Variants in PTPRN2 observed in about 807,000 individuals in gnomAD.
The protein encoded by PTPRN2 is receptor-type tyrosine-protein phosphatase N2.
A neutral mutation model predicts 118.8 loss-of-function variants in PTPRN2; 74 were observed. That is an observed-to-expected ratio of 0.62 (90% CI 0.52 to 0.76). The LOEUF (loss-of-function observed/expected upper bound fraction) is 0.76, where lower values mean the gene tolerates loss of function less well. Ranked by LOEUF, PTPRN2 falls within the 30% of genes least tolerant of loss-of-function variation. PTPRN2 has a pLI of 0.00. For synonymous variants in PTPRN2, 641 were observed against 608.0 expected (o/e 1.05, Z -0.80); for missense variants, 1,481 against 1,394.4 (o/e 1.06, Z -0.99).
intron 3 of PTPRN2, among the ~76,000 whole-genome samples, chr7:158,307,088 A>T (rs1801362376): frequency 6.6e-6 from 1 of 152,032 alleles, no homozygotes; most frequent in Non-Finnish European, 1.5e-5. Flanking sequence ...ACTAGTCTTG[A>T]ACTCCTGACC....
In PTPRN2 at chr7:158,181,336, C is replaced by A. The variant is rs556238500; in HGVS notation, c.549+10991G>T. On this transcript the variant is annotated intron_variant, in intron 5 of 22. Coordinates refer to ENST00000389418, the MANE Select transcript of PTPRN2 (RefSeq NM_002847.5). ...TTTTTGATGTGCTGTTGGGTTCAGT[C>A]AGCTAGTATTTCGTAGAGGGTTTTT... 2.0e-5 allele frequency among the ~76,000 whole-genome samples: 3 copies of A among 152,218 alleles called. No homozygotes were observed. In the South Asian group the frequency reaches 6.2e-4, roughly 32 times the overall value.
rs548898472 is a variant in PTPRN2 at position 157,868,967 on chromosome 7, A to C, written c.1788+29706T>G. 2.6e-5 allele frequency: 4 copies of C among 152,324 alleles called. No individual in the cohort carries two copies. The highest frequency in any genetic ancestry group is 9.6e-5 in the African/African-American group (4 of 41,566). 9.4% of individuals were successfully genotyped at this position (152,324 alleles called of 1,614,324 possible). On this transcript the variant is annotated intron_variant, in intron 12 of 22. Transcript: ENST00000389418. This position sits in a 1 kb window ranked among gnomAD's most constrained non-coding sequence, Gnocchi z 5.2. ...CACAGTCGTTTGGGGACTCAGTTCC[A>C]TGTAGAACCAGATGAAGATTCATAA...
intron 11 of PTPRN2, among the ~76,000 whole-genome samples, chr7:157,960,229 T>C (rs1183495980): frequency 1.3e-5 from 2 of 152,096 alleles, no homozygotes; most frequent in Non-Finnish European, 2.9e-5. Flanking sequence ...TTTGAGAAAA[T>C]GAACAAGTTT....
rs77985227 is a variant in PTPRN2, at chr7:157,895,960, G to A, written c.1788+2713C>T. 8.5e-5 allele frequency among the ~76,000 whole-genome samples: 13 copies of A among 152,232 alleles called. No homozygotes were observed. The East Asian group carries it at 2.3e-3, about 27-fold the overall frequency. ...AGGAGGCCCGCGTGAAAGAGATGGC[G>A]AGGGGTAGCTCTGCAGAGTCAAGAA... On this transcript the variant is annotated intron_variant, in intron 12 of 22. Transcript: ENST00000389418.
rs892545568 is a variant in PTPRN2 at position 157,591,398 on chromosome 7, C to T, written c.2496+3840G>A. Among the ~76,000 whole-genome samples the T allele has an allele frequency of 6.6e-6, 1 of 152,194 alleles. No homozygotes were observed. Among genetic ancestry groups the T allele is most frequent in the East Asian group, 1.9e-4 (1 of 5,192 alleles). On this transcript the variant is annotated intron_variant, in intron 17 of 22. Coordinates refer to ENST00000389418, the MANE Select transcript of PTPRN2 (RefSeq NM_002847.5). The surrounding 1 kb of genome is among the most constrained non-coding windows in gnomAD (Gnocchi z 4.4). ...GATCCATAACCTTCAGTCTGTGTCC[C>T]GATCCTTGGTCAGCATCTGAGAATG...
intron 2 of PTPRN2, among the ~76,000 whole-genome samples, chr7:158,409,086 C>T (rs1033130179): frequency 1.3e-5 from 2 of 152,168 alleles, no homozygotes; most frequent in African/African-American, 4.8e-5. Flanking sequence ...TTTCGTAACA[C>T]CCTGAAAGTT....
At chr7:158,343,002 T>C (rs1468838490) in intron 2 of PTPRN2, among the ~76,000 whole-genome samples, 1 of 152,154 alleles carries the variant, frequency 6.6e-6, no homozygotes, top group Non-Finnish European at 1.5e-5. Flanking sequence ...TGAGCTGAGA[T>C]TGCGCCATTG....
chr7:157,573,914 C>T (rs1799883484), intron 19 of PTPRN2, among the ~76,000 whole-genome samples: 1 of 152,196 alleles, frequency 6.6e-6, no homozygotes, highest in African/African-American at 2.4e-5. Context: ...CAGTCAAGGA[C>T]ATGTGCAGTG....
rs1801794951 is a variant in PTPRN2 at position 157,603,344 on chromosome 7, GC to G, written c.2418+657del. ...ATGCCCAGAGTTAAATAGGGTGAGAGCCGCGTCTAGCATGGGCTGAGAGGAG... is the reference window on the plus strand; with the variant it reads ...ATGCCCAGAGTTAAATAGGGTGAGAGCGCGTCTAGCATGGGCTGAGAGGAG... On this transcript the variant is annotated intron_variant, in intron 16 of 22. Transcript: ENST00000389418. The surrounding 1 kb of genome is among the most constrained non-coding windows in gnomAD (Gnocchi z 5.4). Among the ~76,000 whole-genome samples, 1 of 152,188 alleles carries G rather than the reference GC, an allele frequency of 6.6e-6. No homozygotes were observed. The highest frequency in any genetic ancestry group is 6.5e-5 in the Admixed American group (1 of 15,284).
chr7:157,889,796 G>A (rs969354318), intron 12 of PTPRN2, among the ~76,000 whole-genome samples: 1 of 152,224 alleles, frequency 6.6e-6, no homozygotes, highest in East Asian at 1.9e-4. Flanking sequence ...AGCTGGTCAG[G>A]TTGGCTGTCC....
intron 3 of PTPRN2, among the ~76,000 whole-genome samples, chr7:158,230,291 T>C (rs1829077097): frequency 1.3e-5 from 2 of 151,998 alleles, no homozygotes; most frequent in African/African-American, 4.8e-5. Flanking sequence ...AAAAGTAACA[T>C]GCAAAAAGAA....
In PTPRN2 at chr7:158,570,690, G is replaced by A. The variant is rs1030613304; in HGVS notation, c.112+16868C>T. On this transcript the variant is annotated intron_variant, in intron 1 of 22. Transcript: ENST00000389418. The surrounding 1 kb of genome is among the most constrained non-coding windows in gnomAD (Gnocchi z 4.5). ...ACACGTGTATACCGGCTCAGCACGCGGCTGGGTACGGTTTGCAACGCCGAG... is the reference window on the plus strand; with the variant it reads ...ACACGTGTATACCGGCTCAGCACGCAGCTGGGTACGGTTTGCAACGCCGAG... Among the ~76,000 whole-genome samples, 4 of 152,216 alleles carry A rather than the reference G, an allele frequency of 2.6e-5. No homozygotes were observed. The highest frequency in any genetic ancestry group is 4.8e-5 in the African/African-American group (2 of 41,462).
rs116264567 is a variant in PTPRN2, at chr7:157,806,980, C to A, written c.1788+91693G>T. On this transcript the variant is annotated intron_variant, in intron 12 of 22. Coordinates refer to ENST00000389418, the MANE Select transcript of PTPRN2 (RefSeq NM_002847.5). ...ATCAGCTCCTCTGTTCCAGGGAGAG[C>A]CTCTGCTCCCCTCAGGGCCCACCTC... 6.0e-3 allele frequency among the ~76,000 whole-genome samples: 921 copies of A among 152,342 alleles called. 5 individuals are homozygous for A. Among genetic ancestry groups the A allele is most frequent in the African/African-American group, 0.021 (862 of 41,584 alleles).
intron 11 of PTPRN2, among the ~76,000 whole-genome samples, chr7:158,016,349 C>T (rs530975472): frequency 1.4e-4 from 21 of 152,272 alleles, no homozygotes; most frequent in African/African-American, 4.3e-4. Context: ...AGCACAGACG[C>T]GCCTGGCTGA....
intron 6 of PTPRN2, among the ~76,000 whole-genome samples, chr7:158,144,826 G>A (rs549398228): frequency 1.4e-4 from 21 of 152,130 alleles, no homozygotes; most frequent in Admixed American, 8.5e-4. Flanking sequence ...CAGGTGTGTC[G>A]ACCCACCCTG....
chr7:157,963,014 G>A (rs1239075449), intron 11 of PTPRN2, among the ~76,000 whole-genome samples: 3 of 152,216 alleles, frequency 2.0e-5, no homozygotes, highest in African/African-American at 7.2e-5. Context: ...TAAATGGGGT[G>A]ATGAGGCCAC....
At chr7:157,765,969 C>T (rs978486418) in intron 12 of PTPRN2, among the ~76,000 whole-genome samples, 5 of 150,072 alleles carry the variant, frequency 3.3e-5, no homozygotes, top group Non-Finnish European at 7.4e-5. Context: ...ATCCTTCTTT[C>T]ATCCACCCAC....
At chr7:157,707,747 G>A (rs935201604) in intron 12 of PTPRN2, among the ~76,000 whole-genome samples, 1 of 151,976 alleles carries the variant, frequency 6.6e-6, no homozygotes, top group African/African-American at 2.4e-5. Flanking sequence ...TTACAGGCAC[G>A]CACCACTACG....
intron 2 of PTPRN2, among the ~76,000 whole-genome samples, chr7:158,358,228 T>C (rs1487917393): frequency 6.6e-6 from 1 of 152,260 alleles, no homozygotes; most frequent in South Asian, 2.1e-4. Context: ...CCACCTTTCT[T>C]CCGGCCTGGT....
Sources: allele counts gnomAD v4.1 joint callset (sites outside exome capture counted in the v4.1 genomes callset), GRCh38; gene constraint gnomAD v4.1.1; non-coding constraint Gnocchi (gnomAD v3.1); transcripts MANE v1.5; gene names NCBI Gene and HGNC (gene_info 2026-07-23, HGNC 2026-07-21).